ANKRD44: variants seen among roughly 807,000 people sequenced by gnomAD.
The protein encoded by ANKRD44 is serine/threonine-protein phosphatase 6 regulatory ankyrin repeat subunit B.
A neutral mutation model predicts 116.0 loss-of-function variants in ANKRD44; 35 were observed. The observed-to-expected ratio is 0.30, with a 90% CI of 0.23 to 0.40. The LOEUF (loss-of-function observed/expected upper bound fraction) is 0.40, where lower values mean the gene tolerates loss of function less well. ANKRD44 is among the 10% of genes least tolerant of loss of function. ANKRD44 has a pLI of 1.00. For missense variants in ANKRD44, 1,014 were observed against 1,242.6 expected (o/e 0.82, Z 2.77); for synonymous variants, 435 against 461.8 (o/e 0.94, Z 0.74).
At chr2:197,100,277 A>G (rs1184770062) in intron 9 of ANKRD44, among the ~76,000 whole-genome samples, 1 of 152,104 alleles carries the variant, frequency 6.6e-6, no homozygotes. Context: ...TCTACCAAAA[A>G]TAAAAAAATT....
chr2:197,229,458 A>G (rs1378649837), intron 1 of ANKRD44, among the ~76,000 whole-genome samples: 1 of 152,216 alleles, frequency 6.6e-6, no homozygotes, highest in Non-Finnish European at 1.5e-5. Context: ...GAGTTATAAT[A>G]ACTCTAGTTA....
intron 14 of ANKRD44, among the ~76,000 whole-genome samples, chr2:197,082,569 A>G (rs1414081838): frequency 6.6e-6 from 1 of 152,204 alleles, no homozygotes; most frequent in Non-Finnish European, 1.5e-5. Context: ...ATATATGTGA[A>G]TGTGCATATG....
In ANKRD44 at chr2:197,013,566, G is replaced by A. The variant is rs200094490; in HGVS notation, c.1869C>T (p.Gly623=). ...TECVEALINQ[G]ASIFVKDNVT... is the part of the protein sequence containing the mutation. ...CATTGTCTTTCACAAAGATGGATGCGCCCTGATTGATAAGCGCTTCCACAC... is the reference window on the plus strand; with the variant it reads ...CATTGTCTTTCACAAAGATGGATGCACCCTGATTGATAAGCGCTTCCACAC... The change falls in exon 18 of 28, where the codon GGC becomes GGT. Residue 623 remains glycine, a synonymous_variant. Coordinates refer to ENST00000282272, the MANE Select transcript of ANKRD44 (RefSeq NM_001195144.2). 1.2e-4 allele frequency: 195 copies of A among 1,614,032 alleles called. No individual in the cohort carries two copies. The highest frequency in any genetic ancestry group is 1.6e-4 in the Non-Finnish European group (184 of 1,180,048).
intron 2 of ANKRD44, among the ~76,000 whole-genome samples, chr2:197,170,575 C>A (rs1453213741): frequency 6.6e-6 from 1 of 152,182 alleles, no homozygotes; most frequent in Non-Finnish European, 1.5e-5. Flanking sequence ...AAGCTTTGTG[C>A]ATCTTTATCT....
At chr2:197,021,322 G>A (rs913421387) in intron 17 of ANKRD44, among the ~76,000 whole-genome samples, 8 of 152,168 alleles carry the variant, frequency 5.3e-5, no homozygotes, top group Non-Finnish European at 1.2e-4. Flanking sequence ...TCCCAGTAAT[G>A]GGATGGCTGG....
intron 2 of ANKRD44, among the ~76,000 whole-genome samples, chr2:197,181,349 T>C (rs2080499856): frequency 7.2e-6 from 1 of 138,048 alleles, no homozygotes; most frequent in South Asian, 2.2e-4. Flanking sequence ...TTAAATGATA[T>C]TGAGGCATCG....
At chr2:197,099,508 G>C (rs1201146104) in intron 10 of ANKRD44, 1 of 1,067,500 alleles carries the variant, frequency 9.4e-7, no homozygotes, top group Non-Finnish European at 1.1e-6. Context: ...TATTTTTCCT[G>C]TTTAATATGA....
chr2:197,219,807 C>T (rs1414615594), intron 1 of ANKRD44, among the ~76,000 whole-genome samples: 1 of 151,930 alleles, frequency 6.6e-6, no homozygotes, highest in Non-Finnish European at 1.5e-5. Flanking sequence ...CAAATCTCAC[C>T]TCCCAAGGGA....
chr2:197,305,769 T>C (rs1054719782), intron 1 of ANKRD44, among the ~76,000 whole-genome samples: 1 of 151,994 alleles, frequency 6.6e-6, no homozygotes, highest in Non-Finnish European at 1.5e-5. Context: ...ATCAGCTATG[T>C]GCACAAGTGA....
chr2:197,005,991 T>C, intron 20 of ANKRD44, 81 bp from the exon 21 acceptor site: 1 of 1,334,142 alleles, frequency 7.5e-7, no homozygotes, highest in Admixed American at 1.7e-5. Flanking sequence ...AGGCTGGGCT[T>C]AGAGCAAGTG....
rs995400534 is a variant in ANKRD44, at chr2:196,987,892, T to C, written c.*1699A>G. ...CAAACATAATTTTATTTCTAAGAGA[T>C]GTAATTAAAATACAGAAATGATAGT... On this transcript the variant is annotated 3_prime_UTR_variant, in exon 28 of 28. Coordinates refer to ENST00000282272, the MANE Select transcript of ANKRD44 (RefSeq NM_001195144.2). The C allele has an allele frequency of 7.1e-6, 7 of 982,974 alleles. No homozygotes were observed. Among genetic ancestry groups the C allele is most frequent in the Non-Finnish European group, 8.5e-6 (7 of 827,750 alleles). 60.9% of individuals were successfully genotyped at this position (982,974 alleles called of 1,614,324 possible).
In ANKRD44 at chr2:197,122,638, A is replaced by T; in HGVS notation, c.693+12T>A. ...ACACTGGCCATGCATTGATGCATTC[A>T]TCATAGCTCACCTCCACCCCCAGGT... On this transcript the variant is annotated intron_variant, in intron 7 of 27. Coordinates refer to ENST00000282272, the MANE Select transcript of ANKRD44 (RefSeq NM_001195144.2). 2 of 1,612,590 alleles carry T rather than the reference A, an allele frequency of 1.2e-6. No homozygotes were observed. The highest frequency in any genetic ancestry group is 1.7e-6 in the Non-Finnish European group (2 of 1,179,414).
chr2:197,251,219 T>C (rs981871142), intron 1 of ANKRD44, among the ~76,000 whole-genome samples: 1 of 152,250 alleles, frequency 6.6e-6, no homozygotes, highest in African/African-American at 2.4e-5. Context: ...TTACACTGTC[T>C]TTCTGAATAT....
At chr2:197,001,869 T>C in intron 21 of ANKRD44, 29 bp from the exon 22 acceptor site, 3 of 1,561,930 alleles carry the variant, frequency 1.9e-6, no homozygotes, top group Non-Finnish European at 2.6e-6. Context: ...ATTTAGGGAG[T>C]TTCCAAGAAA....
At chr2:197,108,552 G>A (rs556227905) in intron 9 of ANKRD44, among the ~76,000 whole-genome samples, 2 of 152,208 alleles carry the variant, frequency 1.3e-5, no homozygotes, top group East Asian at 3.9e-4. Context: ...CAAAAGTCTA[G>A]CAACAGCAGG....
chr2:197,173,325 C>G (rs2080286970), intron 2 of ANKRD44, among the ~76,000 whole-genome samples: 1 of 152,062 alleles, frequency 6.6e-6, no homozygotes, highest in Non-Finnish European at 1.5e-5. Flanking sequence ...TATTCAAAAC[C>G]CTTTCTAAAT....
At chr2:197,283,467 A>T (rs12618567) in intron 1 of ANKRD44, among the ~76,000 whole-genome samples, 50,841 of 152,012 alleles carry the variant, frequency 0.33, 8,912 homozygotes, top group East Asian at 0.47. Context: ...ATTTCCATAT[A>T]AAGCAATTCC....
chr2:197,217,056 A>G (rs2081464226), intron 1 of ANKRD44, among the ~76,000 whole-genome samples: 1 of 152,196 alleles, frequency 6.6e-6, no homozygotes, highest in African/African-American at 2.4e-5. Context: ...AAGATGAAAA[A>G]GGTTTGACTA....
chr2:197,164,351 G>A (rs2080049329), intron 2 of ANKRD44, among the ~76,000 whole-genome samples: 1 of 152,188 alleles, frequency 6.6e-6, no homozygotes, highest in South Asian at 2.1e-4. Flanking sequence ...GGGGCGGGAG[G>A]CGCAGCTGCG....
Sources: gnomAD v4.1 joint callset for allele counts (sites outside exome capture counted in the v4.1 genomes callset) on GRCh38, gnomAD v4.1.1 for gene constraint, MANE v1.5 for transcripts, NCBI Gene and HGNC (gene_info 2026-07-23, HGNC 2026-07-21) for gene names.